Variants in XNDC1N observed in about 807,000 individuals in gnomAD.
XNDC1N encodes the protein protein XNDC1N.
At chr11:71,916,647 C>T in the XNDC1N span, 1 of 189,916 alleles carries the variant, frequency 5.3e-6, no homozygotes, top group Non-Finnish European at 1.1e-5. Context: ...TCCCTCACAC[C>T]ACCACGTGCT....
chr11:71,878,235 C>A, the XNDC1N span, among the ~76,000 whole-genome samples: 12 of 152,192 alleles, frequency 7.9e-5, no homozygotes, highest in South Asian at 4.1e-4. Context: ...TTTGCACACA[C>A]CCTGTTGACC....
chr11:71,877,610 C>G, the XNDC1N span, among the ~76,000 whole-genome samples: 4 of 152,282 alleles, frequency 2.6e-5, no homozygotes, highest in South Asian at 8.3e-4. Flanking sequence ...TGCGCTCCAG[C>G]CTGGGCAACT....
At chr11:71,892,681 A>C in the XNDC1N span, among the ~76,000 whole-genome samples, 8 of 148,802 alleles carry the variant, frequency 5.4e-5, no homozygotes, top group African/African-American at 1.0e-4. Context: ...ATGCCCGGCT[A>C]ATTTTTTTTT....
At chr11:71,905,664 T>A in the XNDC1N span, among the ~76,000 whole-genome samples, 2 of 151,968 alleles carry the variant, frequency 1.3e-5, no homozygotes, top group African/African-American at 2.4e-5. Context: ...GTACACCCAC[T>A]GTGTTATTAG....
the XNDC1N span, among the ~76,000 whole-genome samples, chr11:71,896,359 T>A: frequency 3.9e-5 from 6 of 152,120 alleles, no homozygotes; most frequent in Non-Finnish European, 7.4e-5. Flanking sequence ...AGGGGTGAGA[T>A]AGGGAATGAA....
At chr11:71,894,178 G>C in the XNDC1N span, 1 of 708,918 alleles carries the variant, frequency 1.4e-6, no homozygotes, top group African/African-American at 1.9e-5. Context: ...GAAGTATAAA[G>C]CCTTCTCCAC....
the XNDC1N span, among the ~76,000 whole-genome samples, chr11:71,912,687 C>A: frequency 6.6e-6 from 1 of 152,246 alleles, no homozygotes; most frequent in Non-Finnish European, 1.5e-5. Flanking sequence ...GGGGGATGAA[C>A]ACCCCCTTTC....
At chr11:71,913,173 T>C in the XNDC1N span, among the ~76,000 whole-genome samples, 7 of 152,234 alleles carry the variant, frequency 4.6e-5, no homozygotes, top group Admixed American at 2.0e-4. Flanking sequence ...CACAGGGTTT[T>C]GTACCCCACC....
At chr11:71,905,648 C>A in the XNDC1N span, among the ~76,000 whole-genome samples, 2 of 151,904 alleles carry the variant, frequency 1.3e-5, no homozygotes, top group Admixed American at 1.3e-4. Context: ...AGTGTACACA[C>A]ATGGTGTACA....
At chr11:71,882,589 G>T in the XNDC1N span, among the ~76,000 whole-genome samples, 1 of 152,178 alleles carries the variant, frequency 6.6e-6, no homozygotes, top group Non-Finnish European at 1.5e-5. Flanking sequence ...AATAGAGTTT[G>T]TCACCAGTAG....
the XNDC1N span, among the ~76,000 whole-genome samples, chr11:71,883,471 C>G: frequency 6.6e-6 from 1 of 151,950 alleles, no homozygotes; most frequent in African/African-American, 2.4e-5. Flanking sequence ...AACAAACATG[C>G]GAAGAATATA....
the XNDC1N span, among the ~76,000 whole-genome samples, chr11:71,875,810 G>A: frequency 2.6e-5 from 4 of 152,308 alleles, no homozygotes; most frequent in South Asian, 8.3e-4. Context: ...CAGATCACTT[G>A]AGGCCAAGAG....
At chr11:71,888,088 T>C in the XNDC1N span, among the ~76,000 whole-genome samples, 1 of 152,170 alleles carries the variant, frequency 6.6e-6, no homozygotes, top group Non-Finnish European at 1.5e-5. Context: ...AGTAGGTTGA[T>C]GACCTTCTGC....
chr11:71,888,675 C>T, the XNDC1N span, among the ~76,000 whole-genome samples: 1 of 152,184 alleles, frequency 6.6e-6, no homozygotes, highest in Non-Finnish European at 1.5e-5. Flanking sequence ...GCAGCAACTG[C>T]CCTGCTAGTA....
At chr11:71,896,316 G>C in the XNDC1N span, among the ~76,000 whole-genome samples, 1 of 152,210 alleles carries the variant, frequency 6.6e-6, no homozygotes. Context: ...AAGGTGGAAA[G>C]TATAAAGATG....
At chr11:71,885,243 AG>A in the XNDC1N span, among the ~76,000 whole-genome samples, 1,587 of 152,232 alleles carry the variant, frequency 0.01, 24 homozygotes, top group African/African-American at 0.037. Context: ...AGTTGCAATT[AG>A]AAACAATATC....
the XNDC1N span, among the ~76,000 whole-genome samples, chr11:71,889,587 G>C: frequency 3.6e-4 from 55 of 152,230 alleles, no homozygotes; most frequent in Admixed American, 5.9e-4. Context: ...TACTGGCTGT[G>C]CAAGAAACCA....
At chr11:71,877,454 A>G in the XNDC1N span, among the ~76,000 whole-genome samples, 1 of 152,216 alleles carries the variant, frequency 6.6e-6, no homozygotes, top group South Asian at 2.1e-4. Context: ...CCTGGCCAAC[A>G]TGGCAAGACA....
At chr11:71,893,604 C>T in the XNDC1N span, 2 of 1,059,146 alleles carry the variant, frequency 1.9e-6, no homozygotes, top group African/African-American at 1.6e-5. Context: ...ACCTGCTCAA[C>T]ATCCTGGCTG....
Sources: gnomAD v4.1 joint callset for allele counts (sites outside exome capture counted in the v4.1 genomes callset) on GRCh38, gnomAD v4.1.1 for gene constraint, MANE v1.5 for transcripts, NCBI Gene and HGNC (gene_info 2026-07-23, HGNC 2026-07-21) for gene names.